Variants in FAM184A observed in about 807,000 individuals in gnomAD.
FAM184A encodes the protein protein FAM184A.
Under a neutral mutation model 143.8 loss-of-function variants are expected in FAM184A, and 99 were observed. That is an observed-to-expected ratio of 0.69 (90% CI 0.58 to 0.81). The LOEUF is 0.81. Ranked by LOEUF, FAM184A falls within the 40% of genes least tolerant of loss-of-function variation. The probability of loss-of-function intolerance (pLI) is 0.00; values close to 1 mark genes in which losing one functional copy is unlikely to be tolerated. For synonymous variants in FAM184A, 427 were observed against 446.4 expected (o/e 0.96, Z 0.55); for missense variants, 1,217 against 1,310.5 (o/e 0.93, Z 1.10).
chr6:119,033,720 G>GGTGGCTC (rs905546187), intron 1 of FAM184A, among the ~76,000 whole-genome samples: 1 of 150,008 alleles, frequency 6.7e-6, no homozygotes, highest in Non-Finnish European at 1.5e-5. Flanking sequence ...AGGCCACTGC[G>GGTGGCTC]GTGGCTCACA....
intron 1 of FAM184A, 22 bp from the exon 2 acceptor site, chr6:119,024,835 G>A (rs1333523915): frequency 1.3e-6 from 2 of 1,547,018 alleles, no homozygotes; most frequent in Middle Eastern, 1.8e-4. Context: ...TGAATAAGAA[G>A]GGAGAAGGAT....
At chr6:119,062,580 G>A (rs34485842) in intron 1 of FAM184A, among the ~76,000 whole-genome samples, 53 of 152,052 alleles carry the variant, frequency 3.5e-4, no homozygotes, top group African/African-American at 7.0e-4. Context: ...GATCACCTGC[G>A]CCTGGAAAGG....
chr6:119,025,459 A>G (rs1303545723), intron 1 of FAM184A: 1 of 518,874 alleles, frequency 1.9e-6, no homozygotes, highest in East Asian at 5.4e-5. Flanking sequence ...CAAATGCTGT[A>G]GTTTTACTCT....
chr6:119,110,010 C>T (rs554694022), intron 1 of FAM184A, among the ~76,000 whole-genome samples: 1 of 152,182 alleles, frequency 6.6e-6, no homozygotes, highest in East Asian at 1.9e-4. Context: ...GACTATCTAT[C>T]CATCTCACCT....
At chr6:119,147,545 T>A (rs1362182901) in intron 1 of FAM184A, among the ~76,000 whole-genome samples, 1 of 152,058 alleles carries the variant, frequency 6.6e-6, no homozygotes, top group Non-Finnish European at 1.5e-5. Flanking sequence ...CATGTAAAAA[T>A]AGATCTTTGA....
chr6:119,093,826 C>T (rs1788433715), intron 1 of FAM184A, among the ~76,000 whole-genome samples: 2 of 152,098 alleles, frequency 1.3e-5, no homozygotes, highest in Non-Finnish European at 1.5e-5. Context: ...AAGTCTGAGT[C>T]CCACTGTTTC....
chr6:119,103,310 AC>A (rs1018847894), intron 1 of FAM184A, among the ~76,000 whole-genome samples: 1 of 151,726 alleles, frequency 6.6e-6, no homozygotes, highest in Non-Finnish European at 1.5e-5. Flanking sequence ...AGCTACATCA[AC>A]CCCCCCAAAT....
upstream of FAM184A, among the ~76,000 whole-genome samples, chr6:119,082,639 T>C (rs1788104686): frequency 6.6e-6 from 1 of 152,252 alleles, no homozygotes. Flanking sequence ...AAATAATCTC[T>C]TTTGACTCCA....
intron 1 of FAM184A, among the ~76,000 whole-genome samples, chr6:119,028,149 G>A (rs1785733995): frequency 6.6e-6 from 1 of 152,166 alleles, no homozygotes; most frequent in South Asian, 2.1e-4. Context: ...CCATCAGGGA[G>A]GCCAGATTTG....
rs777331108 is a variant in FAM184A, at chr6:118,960,162, G to C, written c.3364C>G (p.Pro1122Ala). The C allele has an allele frequency of 6.2e-7, 1 of 1,613,058 alleles. No individual in the cohort carries two copies. The highest frequency in any genetic ancestry group is 8.5e-7 in the Non-Finnish European group (1 of 1,179,480). The change falls in exon 18 of 18, where the codon CCA becomes GCA. Residue 1122 changes from proline (P) to alanine (A), a missense_variant. Pro to Ala is a conservative substitution (Grantham distance 27, BLOSUM62 -1). Coordinates refer to ENST00000338891, the MANE Select transcript of FAM184A (RefSeq NM_024581.6). ...FLSPAQSEASPVASPDPQRQE... is the reference protein window; with the variant it reads ...FLSPAQSEASAVASPDPQRQE... ...CGCTGGGGATCTGGAGAAGCCACTGGAGAAGCTTCACTCTGAGCAGGACTG... is the reference window on the plus strand; with the variant it reads ...CGCTGGGGATCTGGAGAAGCCACTGCAGAAGCTTCACTCTGAGCAGGACTG...
intron 7 of FAM184A, chr6:119,005,535 A>G (rs1784892614): frequency 6.6e-6 from 1 of 152,278 alleles, no homozygotes; most frequent in Non-Finnish European, 1.5e-5. Flanking sequence ...TTTGCTAAGC[A>G]CTGTGCTATA....
chr6:118,972,765 A>G (rs928432007), intron 14 of FAM184A, among the ~76,000 whole-genome samples: 2 of 152,132 alleles, frequency 1.3e-5, no homozygotes, highest in African/African-American at 4.8e-5. Flanking sequence ...GACTGACGTT[A>G]TTCTTTCTGT....
At chr6:119,099,564 C>G (rs1788590336) in intron 1 of FAM184A, among the ~76,000 whole-genome samples, 1 of 152,128 alleles carries the variant, frequency 6.6e-6, no homozygotes, top group South Asian at 2.1e-4. Flanking sequence ...CACCGACAGG[C>G]CAAGAAGAAT....
chr6:119,109,746 G>A (rs549830328), intron 1 of FAM184A, among the ~76,000 whole-genome samples: 2 of 152,202 alleles, frequency 1.3e-5, no homozygotes, highest in South Asian at 2.1e-4. Context: ...ATTTAAAATA[G>A]CTCTGCTATT....
rs781321183 is a variant in FAM184A, at chr6:118,960,210, T to C, written c.3342-26A>G. 4 of 1,593,078 alleles carry C rather than the reference T, an allele frequency of 2.5e-6. No individual in the cohort carries two copies. The South Asian group carries it at 3.3e-5, about 13-fold the overall frequency. On this transcript the variant is annotated intron_variant, in intron 17 of 17. Coordinates refer to ENST00000338891, the MANE Select transcript of FAM184A (RefSeq NM_024581.6). ...CTGAATTCATAAAAAGAGAGACATG[T>C]AACCCAGCATTAAGTCATTTTGCAA...
At position 119,137,310 on chromosome 6, in the gene FAM184A, TAG is replaced by T. The variant is rs752148480; in HGVS notation, c.-202+11766_-202+11767del. Among the ~76,000 whole-genome samples, 4 of 127,130 alleles carry T rather than the reference TAG, an allele frequency of 3.1e-5. No individual in the cohort carries two copies. In the East Asian group the frequency reaches 8.4e-4, roughly 27 times the overall value. 83.4% of individuals were successfully genotyped at this position (127,130 alleles called of 152,430 possible). On this transcript the variant is annotated intron_variant, in intron 1 of 16. Coordinates refer to the FAM184A transcript ENST00000352896. Reference sequence around the variant, plus strand: ...TGCTTGTGTGTGTGTGCACGCCAGATAGAGAGAGACAGAGAGAGAGAAGAGAG... The same window carrying T: ...TGCTTGTGTGTGTGTGCACGCCAGATAGAGAGACAGAGAGAGAGAAGAGAG...
intron 9 of FAM184A, among the ~76,000 whole-genome samples, chr6:118,983,573 TTTC>T (rs1269235478): frequency 6.6e-6 from 1 of 152,176 alleles, no homozygotes; most frequent in Non-Finnish European, 1.5e-5. Context: ...AAAAATTCTA[TTTC>T]TTATTTTGTT....
chr6:119,032,108 C>T (rs1460863993), intron 1 of FAM184A, among the ~76,000 whole-genome samples: 2 of 151,950 alleles, frequency 1.3e-5, no homozygotes, highest in Admixed American at 1.3e-4. Context: ...CCTATCTTTA[C>T]TAAAAATACA....
chr6:119,037,044 G>A (rs184399493), intron 1 of FAM184A, among the ~76,000 whole-genome samples: 83 of 152,284 alleles, frequency 5.5e-4, no homozygotes, highest in African/African-American at 2.0e-3. Context: ...CTGAGAGAAT[G>A]AGTGCCATGG....
Sources: allele counts gnomAD v4.1 joint callset (sites outside exome capture counted in the v4.1 genomes callset), GRCh38; gene constraint gnomAD v4.1.1; transcripts MANE v1.5; gene names NCBI Gene and HGNC (gene_info 2026-07-23, HGNC 2026-07-21).